Variants in SYNPR observed in about 807,000 individuals in gnomAD.
The protein encoded by SYNPR is synaptoporin.
A neutral mutation model predicts 32.9 loss-of-function variants in SYNPR; 23 were observed. The observed-to-expected ratio is 0.70, with a 90% CI of 0.50 to 0.99. The LOEUF is 0.99. Among genes scored for constraint, SYNPR ranks in the 50% least tolerant of loss-of-function variants. SYNPR has a pLI of 0.00. For synonymous variants in SYNPR, 146 were observed against 135.9 expected (o/e 1.07, Z -0.52); for missense variants, 318 against 349.3 (o/e 0.91, Z 0.71).
the SYNPR span, among the ~76,000 whole-genome samples, chr3:63,202,065 T>G: frequency 6.6e-6 from 1 of 152,150 alleles, no homozygotes; most frequent in Admixed American, 6.6e-5. Context: ...CCAGAATATA[T>G]ATTCAAAAGA....
At chr3:63,428,391 T>C (rs1371452131) in intron 2 of SYNPR, among the ~76,000 whole-genome samples, 1 of 152,232 alleles carries the variant, frequency 6.6e-6, no homozygotes, top group East Asian at 1.9e-4. Flanking sequence ...CTTGGGGAAA[T>C]ATTAAAATAA....
intron 2 of SYNPR, among the ~76,000 whole-genome samples, chr3:63,365,718 C>A (rs370276081): frequency 2.7e-4 from 41 of 152,154 alleles, no homozygotes; most frequent in Middle Eastern, 3.4e-3. Flanking sequence ...AGAAAGGACC[C>A]GTATTTATTC....
intron 1 of SYNPR, among the ~76,000 whole-genome samples, chr3:63,232,136 A>G (rs1192079507): frequency 6.7e-6 from 1 of 149,650 alleles, no homozygotes; most frequent in African/African-American, 2.4e-5. Flanking sequence ...GATGTTAAAT[A>G]GAGTTACTTC....
intron 2 of SYNPR, among the ~76,000 whole-genome samples, chr3:63,424,315 T>C (rs551380257): frequency 1.3e-5 from 2 of 152,156 alleles, no homozygotes; most frequent in African/African-American, 4.8e-5. Flanking sequence ...AAAGAAAACA[T>C]CTTGGTGGGG....
intron 4 of SYNPR, among the ~76,000 whole-genome samples, chr3:63,568,923 T>A (rs1702839387): frequency 6.6e-6 from 1 of 152,210 alleles, no homozygotes; most frequent in South Asian, 2.1e-4. Flanking sequence ...CTGTAAAATG[T>A]TATAAGCACC....
intron 2 of SYNPR, among the ~76,000 whole-genome samples, chr3:63,292,131 T>C (rs1000647052): frequency 6.6e-6 from 1 of 152,176 alleles, no homozygotes; most frequent in African/African-American, 2.4e-5. Context: ...TATTATAATC[T>C]TATGGGACCA....
At chr3:63,469,096 G>T (rs984508786) in intron 2 of SYNPR, among the ~76,000 whole-genome samples, 4 of 151,980 alleles carry the variant, frequency 2.6e-5, no homozygotes, top group African/African-American at 4.8e-5. Flanking sequence ...AAAAAGACAT[G>T]CCAAATGTAT....
chr3:63,529,974 T>C (rs964448244), intron 3 of SYNPR, among the ~76,000 whole-genome samples: 6 of 152,134 alleles, frequency 3.9e-5, no homozygotes, highest in African/African-American at 1.4e-4. Flanking sequence ...TCTGGCATGG[T>C]GCATTGCTAA....
chr3:63,362,537 C>T (rs1005656477), intron 2 of SYNPR, among the ~76,000 whole-genome samples: 4 of 152,006 alleles, frequency 2.6e-5, no homozygotes, highest in African/African-American at 4.8e-5. Context: ...AACACTAAGC[C>T]CTAGGAAAAG....
chr3:63,550,728 CTA>C (rs1702485987), intron 3 of SYNPR, among the ~76,000 whole-genome samples: 1 of 152,196 alleles, frequency 6.6e-6, no homozygotes, highest in Admixed American at 6.5e-5. Flanking sequence ...CACCTGGAAA[CTA>C]TCAAGCGCAG....
chr3:63,388,186 C>T (rs1390263881), intron 2 of SYNPR, among the ~76,000 whole-genome samples: 4 of 151,982 alleles, frequency 2.6e-5, no homozygotes, highest in Non-Finnish European at 5.9e-5. Context: ...CCCTCCTCAA[C>T]TAAGGTGACT....
At chr3:63,392,058 G>A (rs1373309858) in intron 2 of SYNPR, among the ~76,000 whole-genome samples, 2 of 152,042 alleles carry the variant, frequency 1.3e-5, no homozygotes, top group African/African-American at 4.8e-5. Flanking sequence ...ACTCTATTAG[G>A]ACTAGCAACT....
intron 2 of SYNPR, among the ~76,000 whole-genome samples, chr3:63,338,814 T>C (rs1179656387): frequency 6.6e-6 from 1 of 152,238 alleles, no homozygotes; most frequent in Non-Finnish European, 1.5e-5. Context: ...AGCAGGGACA[T>C]GTTCAGAATC....
the SYNPR span, among the ~76,000 whole-genome samples, chr3:63,208,072 G>A: frequency 6.6e-6 from 1 of 151,768 alleles, no homozygotes; most frequent in Non-Finnish European, 1.5e-5. Flanking sequence ...CACACTCACA[G>A]AGTCAATAAC....
intron 1 of SYNPR, among the ~76,000 whole-genome samples, chr3:63,236,717 C>G (rs1450853676): frequency 6.6e-6 from 1 of 152,078 alleles, no homozygotes; most frequent in African/African-American, 2.4e-5. Flanking sequence ...ATCTTATATC[C>G]TGCAAGCTTG....
At chr3:63,539,482 A>G (rs1164871584) in intron 3 of SYNPR, among the ~76,000 whole-genome samples, 3 of 152,152 alleles carry the variant, frequency 2.0e-5, no homozygotes, top group Non-Finnish European at 4.4e-5. Flanking sequence ...TCCTCAAAAC[A>G]TCAGTTATTC....
chr3:63,286,542 C>G (rs1169677545), intron 2 of SYNPR, among the ~76,000 whole-genome samples: 1 of 119,954 alleles, frequency 8.3e-6, no homozygotes, highest in Non-Finnish European at 1.8e-5. Flanking sequence ...ATCCTTAGTT[C>G]TTTGTTCTGC....
chr3:63,327,080 TACTA>T (rs1327725173), intron 2 of SYNPR, among the ~76,000 whole-genome samples: 2 of 152,110 alleles, frequency 1.3e-5, no homozygotes, highest in African/African-American at 2.4e-5. Flanking sequence ...ATATATTAAT[TACTA>T]ACTATGTAAA....
At chr3:63,289,632 A>G (rs2086719364) in intron 2 of SYNPR, 1 of 152,104 alleles carries the variant, frequency 6.6e-6, no homozygotes, top group South Asian at 2.1e-4. Context: ...CATGACTCAA[A>G]CACCTCCTAT....
Sources: allele counts gnomAD v4.1 joint callset (sites outside exome capture counted in the v4.1 genomes callset), GRCh38; gene constraint gnomAD v4.1.1; transcripts MANE v1.5; gene names NCBI Gene and HGNC (gene_info 2026-07-23, HGNC 2026-07-21).